The following RBFOX1 variants were observed in gnomAD, a reference collection of about 807,000 sequenced individuals.
RBFOX1 encodes RNA binding protein fox-1 homolog 1.
In RBFOX1, 8 loss-of-function variants were observed where a neutral mutation model predicts 57.7. That is an observed-to-expected ratio of 0.14 (90% CI 0.08 to 0.25). The LOEUF is 0.25. Ranked by LOEUF, RBFOX1 falls within the 10% of genes least tolerant of loss-of-function variation. The probability of loss-of-function intolerance (pLI) is 1.00; values close to 1 mark genes in which losing one functional copy is unlikely to be tolerated. For missense variants in RBFOX1, 611 were observed against 548.5 expected, an observed-to-expected ratio of 1.11 and a Z score of -1.14; for synonymous variants, 326 against 222.4, an observed-to-expected ratio of 1.47 and a Z score of -4.15.
intron 1 of RBFOX1, among the ~76,000 whole-genome samples, chr16:5,432,346 G>T (rs1308360247): frequency 2.0e-5 from 3 of 152,158 alleles, no homozygotes; most frequent in Non-Finnish European, 2.9e-5. Flanking sequence ...ATTAGTCATC[G>T]TAATAGCCCT....
intron 4 of RBFOX1, among the ~76,000 whole-genome samples, chr16:7,231,390 G>GAGTAT (rs1317667189): frequency 6.6e-6 from 1 of 152,128 alleles, no homozygotes; most frequent in East Asian, 1.9e-4. Flanking sequence ...CATGATGAGG[G>GAGTAT]AGTATAGCTG....
chr16:6,542,509 AGC>A (rs2096836698), intron 2 of RBFOX1, among the ~76,000 whole-genome samples: 1 of 10,814 alleles, frequency 9.2e-5, no homozygotes, highest in Non-Finnish European at 2.0e-4. Context: ...TTTTTTTTTG[AGC>A]AGGAGTCTTG....
At chr16:7,066,255 A>G (rs185441694) in intron 4 of RBFOX1, among the ~76,000 whole-genome samples, 24 of 152,340 alleles carry the variant, frequency 1.6e-4, no homozygotes, top group Admixed American at 4.6e-4. Flanking sequence ...ACCCAGGTCT[A>G]TATTCACTTG....
At chr16:6,134,299 A>C (rs1033821738) in intron 1 of RBFOX1, among the ~76,000 whole-genome samples, 1 of 152,116 alleles carries the variant, frequency 6.6e-6, no homozygotes, top group Non-Finnish European at 1.5e-5. Flanking sequence ...TTGCAGTTTT[A>C]CGTATATTTT....
chr16:6,945,422 T>C (rs897328230), intron 3 of RBFOX1, among the ~76,000 whole-genome samples: 2 of 152,132 alleles, frequency 1.3e-5, no homozygotes, highest in African/African-American at 4.8e-5. Flanking sequence ...GGAATGTAGA[T>C]CCAATGGTGC....
chr16:6,794,260 G>A (rs2083509235), intron 3 of RBFOX1, among the ~76,000 whole-genome samples: 1 of 140,436 alleles, frequency 7.1e-6, no homozygotes, highest in African/African-American at 2.6e-5. Flanking sequence ...TCCATGTTGT[G>A]TGTTGTTTTC....
At chr16:6,632,793 C>T (rs949352798) in intron 2 of RBFOX1, among the ~76,000 whole-genome samples, 1 of 152,202 alleles carries the variant, frequency 6.6e-6, no homozygotes, top group Admixed American at 6.5e-5. Context: ...ACTTTATCAG[C>T]CTTGGCTCTT....
intron 1 of RBFOX1, among the ~76,000 whole-genome samples, chr16:6,039,990 C>G (rs985393230): frequency 3.9e-5 from 6 of 152,160 alleles, no homozygotes; most frequent in East Asian, 1.9e-4. Flanking sequence ...AGCATGGCAG[C>G]TTTTGTCCTT....
At chr16:5,874,364 C>G (rs923652037) in intron 4 of RBFOX1, among the ~76,000 whole-genome samples, 22 of 152,234 alleles carry the variant, frequency 1.4e-4, no homozygotes, top group African/African-American at 4.8e-4. Context: ...GAGAACAGGC[C>G]TCAGAGGATA....
intron 2 of RBFOX1, among the ~76,000 whole-genome samples, chr16:6,412,624 A>G (rs1056124915): frequency 2.6e-5 from 4 of 152,262 alleles, no homozygotes; most frequent in African/African-American, 9.6e-5. Context: ...TGCACCTGCA[A>G]TAATAAGCAA....
chr16:7,606,781 T>C (rs1270462365), intron 9 of RBFOX1, among the ~76,000 whole-genome samples: 1 of 152,180 alleles, frequency 6.6e-6, no homozygotes, highest in African/African-American at 2.4e-5. Context: ...GGATAAAATA[T>C]CATTTTCTTT....
intron 4 of RBFOX1, among the ~76,000 whole-genome samples, chr16:5,983,931 C>CCTCCTCCCCCTT (rs2060226910): frequency 6.9e-6 from 1 of 144,722 alleles, no homozygotes; most frequent in African/African-American, 2.6e-5. Flanking sequence ...TCCTCCCCCT[C>CCTCCTCCCCCTT]CTCCTCCTCC....
intron 2 of RBFOX1, among the ~76,000 whole-genome samples, chr16:6,362,819 T>C (rs1479925571): frequency 6.6e-6 from 1 of 152,236 alleles, no homozygotes; most frequent in African/African-American, 2.4e-5. Context: ...TGCAACTTCA[T>C]TGACCTTCAC....
intron 4 of RBFOX1, among the ~76,000 whole-genome samples, chr16:7,198,551 A>G (rs1004096472): frequency 1.3e-5 from 2 of 152,226 alleles, no homozygotes; most frequent in African/African-American, 4.8e-5. Flanking sequence ...CTTAAAAGCA[A>G]TCAAAGTGTA....
intron 4 of RBFOX1, among the ~76,000 whole-genome samples, chr16:5,992,694 G>T (rs1034651252): frequency 6.6e-6 from 1 of 152,216 alleles, no homozygotes; most frequent in Non-Finnish European, 1.5e-5. Context: ...AGCACTTTGG[G>T]AGGCCAAGGT....
intron 2 of RBFOX1, among the ~76,000 whole-genome samples, chr16:6,366,233 C>G (rs2089588699): frequency 6.6e-6 from 1 of 151,934 alleles, no homozygotes; most frequent in Non-Finnish European, 1.5e-5. Flanking sequence ...AGATATATGT[C>G]TTGATATGTA....
intron 1 of RBFOX1, among the ~76,000 whole-genome samples, chr16:6,224,036 G>A (rs1050382400): frequency 6.6e-6 from 1 of 151,934 alleles, no homozygotes; most frequent in African/African-American, 2.4e-5. Flanking sequence ...ATTTCTGAGG[G>A]CTCTGTTCTG....
At position 7,438,519 on chromosome 16, in the gene RBFOX1, C is replaced by G. The variant is rs569846967; in HGVS notation, c.28-79628C>G. Among the ~76,000 whole-genome samples the G allele has an allele frequency of 1.5e-4, 23 of 152,278 alleles. No homozygotes were observed. The East Asian group carries it at 1.7e-3, about 11-fold the overall frequency. ...GACTGGAACATCCACGGACTCCAGC[C>G]TTCCTTTAGAAGGGCGTAATTCGTC... is the stretch of plus-strand genomic sequence containing the variant. On this transcript the variant is annotated intron_variant, in intron 4 of 15. Coordinates refer to ENST00000550418, the MANE Select transcript of RBFOX1 (RefSeq NM_018723.4).
intron 4 of RBFOX1, among the ~76,000 whole-genome samples, chr16:7,427,920 C>G (rs1385894244): frequency 6.6e-6 from 1 of 152,198 alleles, no homozygotes; most frequent in Non-Finnish European, 1.5e-5. Context: ...TCCTAAAGTG[C>G]TCAGCCACCA....
Sources: gnomAD v4.1 joint callset for allele counts (sites outside exome capture counted in the v4.1 genomes callset) on GRCh38, gnomAD v4.1.1 for gene constraint, MANE v1.5 for transcripts, NCBI Gene and HGNC (gene_info 2026-07-23, HGNC 2026-07-21) for gene names.